The following SPRED2 variants were observed in gnomAD, a reference collection of about 807,000 sequenced individuals.
The protein encoded by SPRED2 is sprouty-related, EVH1 domain-containing protein 2.
SPRED2 carries 47 observed loss-of-function variants against 43.0 expected under a neutral mutation model. The observed-to-expected ratio is 1.09, with a 90% confidence interval of 0.87 to 1.40. The LOEUF (loss-of-function observed/expected upper bound fraction) is 1.40, where lower values mean the gene tolerates loss of function less well. Ranked by LOEUF, SPRED2 falls within the 40% of genes most tolerant of loss-of-function variation. The probability of loss-of-function intolerance (pLI) is 0.00; values close to 1 mark genes in which losing one functional copy is unlikely to be tolerated. For synonymous variants in SPRED2, 225 were observed against 225.7 expected, an observed-to-expected ratio of 1.00 and a Z score of 0.03; for missense variants, 561 against 586.4, an observed-to-expected ratio of 0.96 and a Z score of 0.45.
intron 2 of SPRED2, among the ~76,000 whole-genome samples, chr2:65,341,894 A>C (rs1380311157): frequency 6.6e-6 from 1 of 152,068 alleles, no homozygotes; most frequent in Non-Finnish European, 1.5e-5. Context: ...AAGACCAAAG[A>C]AGTGGAAAAA....
chr2:65,398,685 C>A (rs925513787), intron 1 of SPRED2, among the ~76,000 whole-genome samples: 2 of 152,154 alleles, frequency 1.3e-5, no homozygotes, highest in African/African-American at 4.8e-5. Flanking sequence ...CTCACTCCTG[C>A]AAGAATGGCC....
At chr2:65,362,569 C>T (rs1350972791) in intron 1 of SPRED2, among the ~76,000 whole-genome samples, 3 of 152,062 alleles carry the variant, frequency 2.0e-5, no homozygotes, top group Non-Finnish European at 4.4e-5. Flanking sequence ...TGCGCCCGGC[C>T]GTCACCTGTT....
intron 1 of SPRED2, among the ~76,000 whole-genome samples, chr2:65,366,029 A>AAAACAAAC (rs3052978): frequency 0.029 from 4,365 of 151,172 alleles, 79 homozygotes; most frequent in Non-Finnish European, 0.031. Context: ...GTGATTTATA[A>AAAACAAAC]AAACAAACAA....
rs80237444 is a variant in SPRED2 at position 65,406,509 on chromosome 2, C to T, written c.26+25453G>A. Among the ~76,000 whole-genome samples, 1,078 of 152,320 alleles carry T rather than the reference C, an allele frequency of 7.1e-3. 14 individuals carry two copies. The highest frequency in any genetic ancestry group is 0.025 in the African/African-American group (1,042 of 41,550). On this transcript the variant is annotated intron_variant, in intron 1 of 5. Transcript: ENST00000356388. Reference sequence around the variant, plus strand: ...CTGCAAGCTTTTAGAAAGGCAGTGACAAGGAGCCTCACTAGTTGTAGAAAT... The same window carrying T: ...CTGCAAGCTTTTAGAAAGGCAGTGATAAGGAGCCTCACTAGTTGTAGAAAT...
intron 1 of SPRED2, among the ~76,000 whole-genome samples, chr2:65,412,194 A>C (rs1676178033): frequency 6.6e-6 from 1 of 152,154 alleles, no homozygotes; most frequent in Non-Finnish European, 1.5e-5. Flanking sequence ...ATGACAATTT[A>C]GGAGGTGAAT....
chr2:65,406,865 T>G (rs1207977111), intron 1 of SPRED2, among the ~76,000 whole-genome samples: 1 of 151,922 alleles, frequency 6.6e-6, no homozygotes, highest in Non-Finnish European at 1.5e-5. Flanking sequence ...TCCATCAAGC[T>G]GCCTGCCTTG....
intron 2 of SPRED2, 34 bp downstream of exon 2, chr2:65,344,685 T>A: frequency 6.2e-7 from 1 of 1,611,046 alleles, no homozygotes; most frequent in Non-Finnish European, 8.5e-7. Flanking sequence ...CAGTTGTTAC[T>A]AATTTAACCC....
rs138518350 is a variant in SPRED2 at position 65,354,815 on chromosome 2, A to G, written c.27-9919T>C. On this transcript the variant is annotated intron_variant, in intron 1 of 5. Transcript: ENST00000356388. ...GGGCAGTTTTAAACATGGGCAACGA[A>G]GTGTTCGCTGAAGTAAATCTTAGCT... Among the ~76,000 whole-genome samples, 326 of 152,364 alleles carry G rather than the reference A, an allele frequency of 2.1e-3. 1 individual carries two copies. Among genetic ancestry groups the G allele is most frequent in the Non-Finnish European group, 3.7e-3 (249 of 68,036 alleles).
chr2:65,386,782 C>CATAAAAG (rs1393730520), intron 1 of SPRED2, among the ~76,000 whole-genome samples: 6 of 152,192 alleles, frequency 3.9e-5, no homozygotes, highest in Non-Finnish European at 8.8e-5. Context: ...AAGTCTTGGG[C>CATAAAAG]ATAAAAGCAT....
chr2:65,394,142 A>T (rs1249063752), intron 1 of SPRED2, among the ~76,000 whole-genome samples: 1 of 152,314 alleles, frequency 6.6e-6, no homozygotes, highest in South Asian at 2.1e-4. Flanking sequence ...TCTCCCTCAT[A>T]TGTAAATTTT....
At chr2:65,346,164 C>A (rs1674343934) in intron 1 of SPRED2, among the ~76,000 whole-genome samples, 1 of 152,122 alleles carries the variant, frequency 6.6e-6, no homozygotes, top group African/African-American at 2.4e-5. Flanking sequence ...CTGTGCCCCA[C>A]AGCCCTGCTC....
intron 1 of SPRED2, among the ~76,000 whole-genome samples, chr2:65,383,066 C>G (rs1447150745): frequency 6.6e-6 from 1 of 152,232 alleles, no homozygotes; most frequent in Non-Finnish European, 1.5e-5. Flanking sequence ...ACCACCGCCT[C>G]TCTGCAAGAG....
intron 2 of SPRED2, among the ~76,000 whole-genome samples, chr2:65,341,077 G>C (rs894237100): frequency 1.3e-5 from 2 of 149,022 alleles, no homozygotes; most frequent in Admixed American, 6.9e-5. Context: ...CAGTGAGAGA[G>C]AGAGAGGAAG....
intron 1 of SPRED2, chr2:65,366,635 G>A (rs768593988): frequency 1.9e-5 from 29 of 1,552,320 alleles, no homozygotes; most frequent in African/African-American, 2.7e-5. Context: ...CCCGAGTGCT[G>A]GGTATTAGCA....
intron 1 of SPRED2, chr2:65,366,618 T>G (rs1435388554): frequency 6.4e-7 from 1 of 1,553,360 alleles, no homozygotes; most frequent in Middle Eastern, 1.7e-4. Context: ...TCCTCTACAT[T>G]GTGGAGCCCG....
At chr2:65,334,551 A>G in intron 3 of SPRED2, 54 bp downstream of exon 3, 2 of 1,587,178 alleles carry the variant, frequency 1.3e-6, no homozygotes, top group Non-Finnish European at 1.7e-6. Flanking sequence ...GGAATTAAAA[A>G]TAATTTGGAA....
chr2:65,308,201 C>T (rs1488485891), downstream of SPRED2: 14 of 658,214 alleles, frequency 2.1e-5, no homozygotes, highest in Middle Eastern at 7.7e-4. Flanking sequence ...GCCAGAGAAG[C>T]GGGGTGGGAG....
intron 1 of SPRED2, among the ~76,000 whole-genome samples, chr2:65,371,782 A>AT (rs1394803987): frequency 6.6e-6 from 1 of 151,626 alleles, no homozygotes; most frequent in Non-Finnish European, 1.5e-5. Context: ...GAAAAAAAAA[A>AT]GTAAGAGGCT....
At position 65,313,031 on chromosome 2, in the gene SPRED2, A is replaced by G. The variant is rs1673112322; in HGVS notation, c.*470T>C. The G allele has an allele frequency of 2.0e-6, 2 of 986,808 alleles. No homozygotes were observed. The highest frequency in any genetic ancestry group is 2.4e-6 in the Non-Finnish European group (2 of 830,894). The allele number at this position is 986,808 out of a possible 1,614,324, so 61.1% of individuals were successfully genotyped here. ...TCATTCTCACATCCCATTTCCGCTG[A>G]ACCAGATGCTTGCTAGCGACAGGCA... On this transcript the variant is annotated 3_prime_UTR_variant, in exon 6 of 6. Coordinates refer to ENST00000356388, the MANE Select transcript of SPRED2 (RefSeq NM_181784.3).
Sources: allele counts gnomAD v4.1 joint callset (sites outside exome capture counted in the v4.1 genomes callset), GRCh38; gene constraint gnomAD v4.1.1; transcripts MANE v1.5; gene names NCBI Gene and HGNC (gene_info 2026-07-23, HGNC 2026-07-21).